Variants in SYNJ2 observed in about 807,000 individuals in gnomAD.
SYNJ2 encodes the protein polyphosphatidylinositol phosphatase SYNJ2.
Under a neutral mutation model 141.3 loss-of-function variants are expected in SYNJ2, and 116 were observed. That is an observed-to-expected ratio of 0.82 (90% CI 0.71 to 0.96). SYNJ2 has a LOEUF of 0.96. SYNJ2 is among the 40% of genes least tolerant of loss of function. The probability of loss-of-function intolerance (pLI) is 0.00; values close to 1 mark genes in which losing one functional copy is unlikely to be tolerated. For missense variants in SYNJ2, 1,873 were observed against 1,934.8 expected, an observed-to-expected ratio of 0.97 and a Z score of 0.60; for synonymous variants, 745 against 777.7, an observed-to-expected ratio of 0.96 and a Z score of 0.70.
At chr6:158,061,376 C>T (rs1228354858) in intron 7 of SYNJ2, among the ~76,000 whole-genome samples, 1 of 152,234 alleles carries the variant, frequency 6.6e-6, no homozygotes, top group Non-Finnish European at 1.5e-5. Flanking sequence ...GAAGGGAGGG[C>T]TCTTAAGGGC....
At position 158,096,375 on chromosome 6, in the gene SYNJ2, T is replaced by C; in HGVS notation, c.*11T>C. On this transcript the variant is annotated 3_prime_UTR_variant, in exon 27 of 27. Coordinates refer to ENST00000355585, the MANE Select transcript of SYNJ2 (RefSeq NM_003898.4). ...CTGGCAAAAACATGACTGAGCAGCT[T>C]TGAAGGCTGCAGTCCTATAGAATGC... The C allele has an allele frequency of 6.3e-7, 1 of 1,589,480 alleles. No individual in the cohort carries two copies. Among genetic ancestry groups the C allele is most frequent in the Non-Finnish European group, 8.5e-7 (1 of 1,170,600 alleles).
chr6:158,028,494 G>A (rs1410676827), intron 2 of SYNJ2: 5 of 523,062 alleles, frequency 9.6e-6, no homozygotes, highest in East Asian at 3.3e-5. Flanking sequence ...GCAGCTGGGC[G>A]GCAGGAATCT....
At chr6:158,044,817 G>A (rs970491071) in intron 5 of SYNJ2, among the ~76,000 whole-genome samples, 7 of 152,096 alleles carry the variant, frequency 4.6e-5, no homozygotes, top group Non-Finnish European at 8.8e-5. Flanking sequence ...TTTATCTATA[G>A]ATTTCCCATT....
chr6:158,094,030 G>A (rs1783642764), intron 26 of SYNJ2: 1 of 764,230 alleles, frequency 1.3e-6, no homozygotes, highest in Non-Finnish European at 2.4e-6. Context: ...TCTAGTAACG[G>A]ACCCTCGGTA....
At chr6:158,021,714 A>C (rs1778781105) in intron 2 of SYNJ2, among the ~76,000 whole-genome samples, 1 of 152,194 alleles carries the variant, frequency 6.6e-6, no homozygotes, top group African/African-American at 2.4e-5. Flanking sequence ...CTTCAGAAGG[A>C]GGATTCCCTG....
At chr6:158,018,503 G>T (rs992536522) in intron 2 of SYNJ2, among the ~76,000 whole-genome samples, 1 of 152,204 alleles carries the variant, frequency 6.6e-6, no homozygotes, top group African/African-American at 2.4e-5. Flanking sequence ...AGAGACTGAG[G>T]ATGTTTAAAG....
At chr6:157,999,912 C>T (rs1777772168) in intron 1 of SYNJ2, among the ~76,000 whole-genome samples, 1 of 152,144 alleles carries the variant, frequency 6.6e-6, no homozygotes, top group African/African-American at 2.4e-5. Context: ...AAGCCCTGCT[C>T]AGGCCAGTGT....
chr6:158,076,436 G>A (rs1266731923), intron 16 of SYNJ2, among the ~76,000 whole-genome samples, 190 bp from the exon 17 acceptor site: 1 of 152,208 alleles, frequency 6.6e-6, no homozygotes, highest in Non-Finnish European at 1.5e-5. Flanking sequence ...GTCCCTCAGT[G>A]GGATGAGCTG....
intron 12 of SYNJ2, 127 bp downstream of exon 12, chr6:158,066,762 A>G: frequency 1.8e-6 from 2 of 1,087,494 alleles, no homozygotes; most frequent in South Asian, 2.9e-5. Flanking sequence ...CACAATGTCT[A>G]AATAGCACCA....
chr6:158,071,811 G>A lies in SYNJ2; in HGVS notation c.2133+17G>A, dbSNP rs1781945827. On this transcript the variant is annotated intron_variant, in intron 15 of 26. Coordinates refer to ENST00000355585, the MANE Select transcript of SYNJ2 (RefSeq NM_003898.4). This position sits in a 1 kb window ranked among gnomAD's most constrained non-coding sequence, Gnocchi z 4.3. Reference sequence around the variant, plus strand: ...TTCCCAATGGTGAGCGGCGCCGTGGGGACAGCCAGCACCTCCCTGCTCAGC... The same window carrying A: ...TTCCCAATGGTGAGCGGCGCCGTGGAGACAGCCAGCACCTCCCTGCTCAGC... 1.9e-6 allele frequency: 3 copies of A among 1,609,706 alleles called. No individual in the cohort carries two copies. The highest frequency in any genetic ancestry group is 1.3e-5 in the African/African-American group (1 of 74,894).
At chr6:158,057,586 G>A (rs142242189) in intron 6 of SYNJ2, among the ~76,000 whole-genome samples, 1 of 152,220 alleles carries the variant, frequency 6.6e-6, no homozygotes, top group Non-Finnish European at 1.5e-5. Flanking sequence ...GTTTGGGGTT[G>A]GGACAGCATA....
chr6:158,081,042 A>G, intron 18 of SYNJ2, 67 bp from the exon 19 acceptor site: 1 of 1,454,976 alleles, frequency 6.9e-7, no homozygotes, highest in South Asian at 1.1e-5. Flanking sequence ...CTAACTGGGG[A>G]CTGGAGGCCG....
intron 1 of SYNJ2, among the ~76,000 whole-genome samples, chr6:158,013,401 G>T (rs1778338102): frequency 6.6e-6 from 1 of 152,082 alleles, no homozygotes; most frequent in Non-Finnish European, 1.5e-5. Flanking sequence ...ATACAATTTT[G>T]AGAACAATTT....
intron 5 of SYNJ2, among the ~76,000 whole-genome samples, chr6:158,050,831 G>T (rs1426105830): frequency 6.6e-6 from 1 of 152,160 alleles, no homozygotes; most frequent in African/African-American, 2.4e-5. Flanking sequence ...TAGAAACTTT[G>T]AAGTGCTTCT....
chr6:158,083,350 T>G, intron 20 of SYNJ2, 79 bp from the exon 21 acceptor site: 2 of 1,533,112 alleles, frequency 1.3e-6, no homozygotes, highest in South Asian at 1.2e-5. Flanking sequence ...GTGTGTGGGT[T>G]TTGGTGAGAA....
rs1031773890 is a variant in SYNJ2 at position 158,070,259 on chromosome 6, T to C, written c.1940+586T>C. ...CTTACCACCTGGGCCTACCCATGGC[T>C]TTTGAATTTCCACCAGCCTTTCGGC... On this transcript the variant is annotated intron_variant, in intron 14 of 26. Transcript: ENST00000355585. This position sits in a 1 kb window ranked among gnomAD's most constrained non-coding sequence, Gnocchi z 4.0. 5 of 985,394 alleles carry C rather than the reference T, an allele frequency of 5.1e-6. No homozygotes were observed. The highest frequency in any genetic ancestry group is 1.7e-5 in the African/African-American group (1 of 57,218). The allele number at this position is 985,394 out of a possible 1,614,324, so 61.0% of individuals were successfully genotyped here. A position where few individuals can be genotyped will look rare whatever the true frequency, so the allele number is the denominator to read the frequency against.
intron 9 of SYNJ2, among the ~76,000 whole-genome samples, chr6:158,064,360 G>A (rs573520493): frequency 1.3e-5 from 2 of 152,096 alleles, no homozygotes; most frequent in South Asian, 4.2e-4. Flanking sequence ...GGCGGGGCGG[G>A]GTGCAGGGGC....
Position 158,088,667 on chromosome 6 carries a change from A to G in SYNJ2, c.3351A>G (p.Leu1117=). ...CCTCGTTGGTTTTTACAGCCGGTTT[A>G]ATGGTGAAAAAGTCGGCTTCAGATG... ...PPQRPPPPTG[L]MVKKSASDAS... The change falls in exon 24 of 27, where the codon TTA becomes TTG. Residue 1117 remains leucine, a synonymous_variant. Coordinates refer to ENST00000355585, the MANE Select transcript of SYNJ2 (RefSeq NM_003898.4). 6.2e-7 allele frequency: 1 copy of G among 1,613,698 alleles called. No individual in the cohort carries two copies. The highest frequency in any genetic ancestry group is 1.7e-5 in the Admixed American group (1 of 60,012).
At chr6:158,021,637 G>T (rs1778776534) in intron 2 of SYNJ2, among the ~76,000 whole-genome samples, 1 of 152,196 alleles carries the variant, frequency 6.6e-6, no homozygotes, top group Non-Finnish European at 1.5e-5. Context: ...TGTGGCCTCG[G>T]GGTGTGGACT....
Sources: allele counts gnomAD v4.1 joint callset (sites outside exome capture counted in the v4.1 genomes callset), GRCh38; gene constraint gnomAD v4.1.1; non-coding constraint Gnocchi (gnomAD v3.1); transcripts MANE v1.5; gene names NCBI Gene and HGNC (gene_info 2026-07-23, HGNC 2026-07-21).